The following GLI2 variants were observed in gnomAD, a reference collection of about 807,000 sequenced individuals.
The protein encoded by GLI2 is transcription activator GLI2.
In GLI2, 22 loss-of-function variants were observed where a neutral mutation model predicts 78.9. The ratio of observed to expected loss-of-function variants is 0.28; its 90% CI spans 0.20 to 0.40. GLI2 has a LOEUF of 0.40. GLI2 is among the 10% of genes least tolerant of loss of function. The probability of loss-of-function intolerance (pLI) is 1.00; values close to 1 mark genes in which losing one functional copy is unlikely to be tolerated. For missense variants in GLI2, 2,097 were observed against 2,213.2 expected, an observed-to-expected ratio of 0.95 and a Z score of 1.05; for synonymous variants, 974 against 963.7, an observed-to-expected ratio of 1.01 and a Z score of -0.20.
At chr2:120,818,313 C>T (rs937133217) in intron 2 of GLI2, among the ~76,000 whole-genome samples, 1 of 152,210 alleles carries the variant, frequency 6.6e-6, no homozygotes, top group Admixed American at 6.5e-5. Context: ...GAAGAAGCCT[C>T]CAAGAAGAAA....
intron 2 of GLI2, among the ~76,000 whole-genome samples, chr2:120,907,721 C>T (rs1678611314): frequency 1.3e-5 from 2 of 152,156 alleles, no homozygotes; most frequent in Non-Finnish European, 2.9e-5. Flanking sequence ...CTCCTCAAGC[C>T]TCTGTTTCCT....
chr2:120,787,472 TGC>T lies in GLI2; in HGVS notation c.-30-9818_-30-9817del, dbSNP rs1684029589. ...AAGGGGGCCTTGGCATGGGTCTGGGTGCCTGTGGCTCCCGTGTGCCAGGCTAC... is the reference window on the plus strand; with the variant it reads ...AAGGGGGCCTTGGCATGGGTCTGGGTCTGTGGCTCCCGTGTGCCAGGCTAC... On this transcript the variant is annotated intron_variant, in intron 1 of 13. Coordinates refer to ENST00000361492, the MANE Select transcript of GLI2 (RefSeq NM_001374353.1). Among the ~76,000 whole-genome samples the T allele has an allele frequency of 4.6e-5, 7 of 152,172 alleles. No homozygotes were observed. In the South Asian group the frequency reaches 1.4e-3, roughly 32 times the overall value.
chr2:120,876,869 G>T (rs921602471), intron 2 of GLI2, among the ~76,000 whole-genome samples: 1 of 152,256 alleles, frequency 6.6e-6, no homozygotes, highest in African/African-American at 2.4e-5. Flanking sequence ...GGCCCTGTTT[G>T]CACGGCCCTT....
At chr2:120,797,704 T>G (rs1474817879) in intron 2 of GLI2, among the ~76,000 whole-genome samples, 1 of 138,980 alleles carries the variant, frequency 7.2e-6, no homozygotes, top group Non-Finnish European at 1.6e-5. Context: ...CAGCGGTGGG[T>G]GGGGCCTGAG....
intron 4 of GLI2, among the ~76,000 whole-genome samples, chr2:120,954,857 C>T (rs1024882848): frequency 1.3e-5 from 2 of 152,200 alleles, no homozygotes; most frequent in Non-Finnish European, 2.9e-5. Flanking sequence ...GGCCCAGCCG[C>T]GTGCCGCTGA....
intron 5 of GLI2, among the ~76,000 whole-genome samples, chr2:120,956,336 AG>A (rs1294463733): frequency 2.0e-5 from 3 of 151,990 alleles, no homozygotes; most frequent in Non-Finnish European, 4.4e-5. Flanking sequence ...CATGGAAGGG[AG>A]GGAAGTCAGG....
chr2:120,891,952 G>C (rs1677701734), intron 2 of GLI2, among the ~76,000 whole-genome samples: 2 of 152,136 alleles, frequency 1.3e-5, no homozygotes, highest in South Asian at 4.2e-4. Flanking sequence ...AGTCTTCACT[G>C]AGCACAGTGG....
At chr2:120,801,830 G>A (rs974309154) in intron 2 of GLI2, among the ~76,000 whole-genome samples, 1 of 152,200 alleles carries the variant, frequency 6.6e-6, no homozygotes, top group Non-Finnish European at 1.5e-5. Context: ...TTGGGCATGG[G>A]GCTTGCCCAA....
At chr2:120,879,835 C>T (rs1677027393) in intron 2 of GLI2, among the ~76,000 whole-genome samples, 1 of 152,194 alleles carries the variant, frequency 6.6e-6, no homozygotes, top group South Asian at 2.1e-4. Flanking sequence ...GCCCGTCTGC[C>T]GCGGGAGGCG....
Position 120,988,641 on chromosome 2 carries a change from G to A in GLI2, c.2676G>A (p.Glu892=). 1.4e-6 allele frequency: 2 copies of A among 1,438,018 alleles called. No homozygotes were observed. Among genetic ancestry groups the A allele is most frequent in the East Asian group, 3.2e-5 (1 of 31,108 alleles). The allele number at this position is 1,438,018 out of a possible 1,614,324, so 89.1% of individuals were successfully genotyped here. A position where few individuals can be genotyped will look rare whatever the true frequency, so the allele number is the denominator to read the frequency against. ...GPPPTPLPGL[E]RMSLRTRLAL... The stretch of plus-strand genomic sequence containing the variant: ...CGCCCACTCCGCTGCCGGGCCTGGA[G>A]CGCATGAGCCTGCGGACCAGGCTGG... Residue 892 remains glutamate (E), a synonymous_variant, in exon 14 of 14, where the codon GAG becomes GAA. Coordinates refer to ENST00000361492, the MANE Select transcript of GLI2 (RefSeq NM_001374353.1).
chr2:120,799,811 G>A (rs1162745437), intron 2 of GLI2, among the ~76,000 whole-genome samples: 1 of 152,212 alleles, frequency 6.6e-6, no homozygotes, highest in East Asian at 1.9e-4. Context: ...GCTCCAAAGA[G>A]CCATGGATGT....
chr2:120,942,693 C>G (rs78990734), intron 3 of GLI2, among the ~76,000 whole-genome samples: 3,653 of 152,324 alleles, frequency 0.024, 154 homozygotes, highest in African/African-American at 0.084. Flanking sequence ...TGTTCAGAGA[C>G]GGCACATACG....
intron 1 of GLI2, among the ~76,000 whole-genome samples, chr2:120,761,300 G>A (rs935234496): frequency 4.6e-5 from 7 of 152,126 alleles, no homozygotes; most frequent in African/African-American, 1.4e-4. Flanking sequence ...GAGAAGAACC[G>A]GGAAAGCAGC....
chr2:120,992,017 C>CAT lies in GLI2; in HGVS notation c.*1343_*1344insTA, dbSNP rs1436484499. On this transcript the variant is annotated 3_prime_UTR_variant, in exon 14 of 14. Transcript: ENST00000361492. ...GCATCTTCCCCACCATACACACACA[C>CAT]ACACACACACACACACACACACACA... The CAT allele has an allele frequency of 1.4e-5, 2 of 143,650 alleles. No individual in the cohort carries two copies. The highest frequency in any genetic ancestry group is 1.5e-5 in the Non-Finnish European group (1 of 67,714). The allele number at this position is 143,650 out of a possible 1,614,324, so 8.9% of individuals were successfully genotyped here. A position where few individuals can be genotyped will look rare whatever the true frequency, so the allele number is the denominator to read the frequency against.
intron 2 of GLI2, among the ~76,000 whole-genome samples, chr2:120,813,004 G>A (rs950980603): frequency 6.6e-6 from 1 of 152,172 alleles, no homozygotes; most frequent in Non-Finnish European, 1.5e-5. Flanking sequence ...TCTGGGTTGG[G>A]AGATGGACCC....
intron 2 of GLI2, among the ~76,000 whole-genome samples, chr2:120,872,805 T>C (rs1351189708): frequency 6.6e-6 from 1 of 152,252 alleles, no homozygotes; most frequent in Admixed American, 6.5e-5. Context: ...ACACTCAGCA[T>C]AGTACTAGCC....
intron 2 of GLI2, chr2:120,866,970 A>C (rs1193812607): frequency 6.6e-6 from 1 of 152,242 alleles, no homozygotes. Context: ...CAGGCTCTGC[A>C]GCTCTCAGTG....
At chr2:120,819,792 G>A (rs1685678068) in intron 2 of GLI2, among the ~76,000 whole-genome samples, 1 of 152,218 alleles carries the variant, frequency 6.6e-6, no homozygotes. Flanking sequence ...CAGCTAAGAA[G>A]AAGGACTGAT....
intron 2 of GLI2, among the ~76,000 whole-genome samples, chr2:120,893,888 T>C (rs1217555461): frequency 6.6e-6 from 1 of 152,124 alleles, no homozygotes; most frequent in Non-Finnish European, 1.5e-5. Context: ...AAGCTGTTTA[T>C]TTTGCATAAA....
Sources: allele counts gnomAD v4.1 joint callset (sites outside exome capture counted in the v4.1 genomes callset), GRCh38; gene constraint gnomAD v4.1.1; transcripts MANE v1.5; gene names NCBI Gene and HGNC (gene_info 2026-07-23, HGNC 2026-07-21).